CPLX2: variants seen among roughly 807,000 people sequenced by gnomAD.
CPLX2 encodes complexin 2.
A neutral mutation model predicts 16.3 loss-of-function variants in CPLX2; 5 were observed. The observed-to-expected ratio is 0.31, with a 90% confidence interval of 0.16 to 0.64. The LOEUF is 0.64. CPLX2 is among the 30% of genes least tolerant of loss of function. The pLI is 0.79. For missense variants in CPLX2, 144 were observed against 181.4 expected (o/e 0.79, Z 1.18); for synonymous variants, 89 against 73.2 (o/e 1.22, Z -1.10).
intron 2 of CPLX2, chr5:175,837,832 A>G (rs935063332): frequency 1.3e-5 from 2 of 152,160 alleles, no homozygotes; most frequent in Admixed American, 6.5e-5. Flanking sequence ...CAGCCTCCCC[A>G]GTGTTACCAA....
chr5:175,860,924 G>GAT (rs1759361811), intron 2 of CPLX2, among the ~76,000 whole-genome samples: 1 of 150,894 alleles, frequency 6.6e-6, no homozygotes, highest in Non-Finnish European at 1.5e-5. Flanking sequence ...ACATCCCAAT[G>GAT]ACATAATGCC....
intron 2 of CPLX2, among the ~76,000 whole-genome samples, chr5:175,812,347 G>A (rs1043436199): frequency 2.6e-5 from 4 of 152,268 alleles, no homozygotes; most frequent in Admixed American, 1.3e-4. Context: ...CTGCTCACAC[G>A]CTTACTGCAC....
Position 175,849,476 on chromosome 5 carries a change from G to C in CPLX2, c.-88-29176G>C, listed in dbSNP as rs1759111006. ...CATGCAGCCGAACCCCACACTGGAT[G>C]TTAGAGGCACAAAGACTTGACCTTG... On this transcript the variant is annotated intron_variant, in intron 2 of 4. Transcript: ENST00000359546. This position sits in a 1 kb window ranked among gnomAD's most constrained non-coding sequence, Gnocchi z 4.4. 6.6e-6 allele frequency among the ~76,000 whole-genome samples: 1 copy of C among 152,228 alleles called. No individual in the cohort carries two copies. Among genetic ancestry groups the C allele is most frequent in the Admixed American group, 6.5e-5 (1 of 15,284 alleles).
At chr5:175,825,211 A>C (rs1758588973) in intron 2 of CPLX2, among the ~76,000 whole-genome samples, 1 of 152,084 alleles carries the variant, frequency 6.6e-6, no homozygotes. Context: ...CCTGGCCAAC[A>C]TGGTAAACCC....
rs77457115 is a variant in CPLX2 at position 175,849,657 on chromosome 5, G to A, written c.-88-28995G>A. 2.7e-3 allele frequency among the ~76,000 whole-genome samples: 410 copies of A among 152,172 alleles called. 9 individuals carry two copies. In the East Asian group the frequency reaches 0.057, roughly 21 times the overall value. On this transcript the variant is annotated intron_variant, in intron 2 of 4. Transcript: ENST00000359546. This position sits in a 1 kb window ranked among gnomAD's most constrained non-coding sequence, Gnocchi z 4.4. Reference sequence around the variant, plus strand: ...CCTGGAGAGAAGCCCTCTGCCGCAGGTCCTCGTTGGGGTCATCATGGGAGA... The same window carrying A: ...CCTGGAGAGAAGCCCTCTGCCGCAGATCCTCGTTGGGGTCATCATGGGAGA...
chr5:175,866,074 G>T (rs1350130198), intron 2 of CPLX2, among the ~76,000 whole-genome samples: 1 of 152,194 alleles, frequency 6.6e-6, no homozygotes, highest in Non-Finnish European at 1.5e-5. Context: ...AGCATGCATG[G>T]GTTTCACTGG....
chr5:175,825,016 C>T (rs549338962), intron 2 of CPLX2, among the ~76,000 whole-genome samples: 21 of 152,230 alleles, frequency 1.4e-4, no homozygotes, highest in African/African-American at 4.8e-4. Flanking sequence ...ACTGGGATAG[C>T]ATCTGATGGC....
Position 175,865,083 on chromosome 5 carries a change from C to CGT in CPLX2, c.-88-13568_-88-13567insTG, listed in dbSNP as rs1220091859. 5.0e-3 allele frequency among the ~76,000 whole-genome samples: 110 copies of CGT among 22,218 alleles called. 1 individual carries two copies. The highest frequency in any genetic ancestry group is 0.012 in the African/African-American group (98 of 7,896). 14.6% of individuals were successfully genotyped at this position (22,218 alleles called of 152,430 possible). ...CCACATACTCACATGCACGCATGTG[C>CGT]GCGCGCGCACACACACACACACACT... On this transcript the variant is annotated intron_variant, in intron 2 of 4. Coordinates refer to the CPLX2 transcript ENST00000359546.
At chr5:175,879,801 C>T in intron 3 of CPLX2, 47 bp from the exon 4 acceptor site, 1 of 1,558,412 alleles carries the variant, frequency 6.4e-7, no homozygotes, top group Non-Finnish European at 8.7e-7. Context: ...CCTGCTGTCT[C>T]CTTGCCCACC....
upstream of CPLX2, chr5:175,871,458 A>AGAGGGAGAGAGAGAGAGAGG (rs1554122147): frequency 7.5e-5 from 6 of 79,900 alleles, no homozygotes; most frequent in Admixed American, 1.7e-4. Flanking sequence ...AGAGAGAGAG[A>AGAGGGAGAGAGAGAGAGAGG]GAGAGAGAGA....
intron 2 of CPLX2, among the ~76,000 whole-genome samples, chr5:175,860,701 T>G (rs1471105433): frequency 6.6e-6 from 1 of 151,928 alleles, no homozygotes; most frequent in African/African-American, 2.4e-5. Context: ...TGGCTTAGCT[T>G]GTGTCACTTG....
chr5:175,819,944 A>G (rs1014731488), intron 2 of CPLX2, among the ~76,000 whole-genome samples: 3 of 151,520 alleles, frequency 2.0e-5, no homozygotes, highest in Non-Finnish European at 4.4e-5. Flanking sequence ...CATCTATCTC[A>G]CTCCTTATTT....
chr5:175,822,428 C>T (rs1320856901), intron 2 of CPLX2, among the ~76,000 whole-genome samples: 1 of 152,186 alleles, frequency 6.6e-6, no homozygotes, highest in African/African-American at 2.4e-5. Flanking sequence ...CCTCCTAGGG[C>T]TATTGTACAA....
chr5:175,825,741 A>G (rs1758600395), intron 2 of CPLX2, among the ~76,000 whole-genome samples: 1 of 151,904 alleles, frequency 6.6e-6, no homozygotes, highest in South Asian at 2.1e-4. Flanking sequence ...AGATAGCTTG[A>G]CCATTCCCAT....
intron 2 of CPLX2, among the ~76,000 whole-genome samples, chr5:175,824,152 T>C (rs1242396636): frequency 2.0e-5 from 3 of 152,194 alleles, no homozygotes; most frequent in Non-Finnish European, 2.9e-5. Flanking sequence ...CTTTTTTTCT[T>C]TCCCTCTTGA....
At chr5:175,875,357 G>T (rs1232175921) in intron 1 of CPLX2, among the ~76,000 whole-genome samples, 1 of 152,140 alleles carries the variant, frequency 6.6e-6, no homozygotes, top group Non-Finnish European at 1.5e-5. Context: ...ATTGGCTTCA[G>T]CCAGGAGAGG....
intron 2 of CPLX2, among the ~76,000 whole-genome samples, chr5:175,816,795 A>G (rs1021139720): frequency 1.3e-5 from 2 of 152,220 alleles, no homozygotes; most frequent in African/African-American, 4.8e-5. Flanking sequence ...TTAACTCAAC[A>G]CATCCTAAAA....
intron 2 of CPLX2, among the ~76,000 whole-genome samples, chr5:175,855,030 A>G (rs1759227671): frequency 4.6e-5 from 7 of 152,250 alleles, no homozygotes; most frequent in Admixed American, 4.6e-4. Flanking sequence ...AAGAAAAATT[A>G]TATTAGGCCA....
chr5:175,874,524 G>GTGAA (rs1380587302), intron 1 of CPLX2, among the ~76,000 whole-genome samples: 1 of 152,166 alleles, frequency 6.6e-6, no homozygotes, highest in Non-Finnish European at 1.5e-5. Flanking sequence ...GAGCAACTGA[G>GTGAA]TGAATGAATG....
Sources: gnomAD v4.1 joint callset for allele counts (sites outside exome capture counted in the v4.1 genomes callset) on GRCh38, gnomAD v4.1.1 for gene constraint, Gnocchi (gnomAD v3.1) non-coding constraint, MANE v1.5 for transcripts, NCBI Gene and HGNC (gene_info 2026-07-23, HGNC 2026-07-21) for gene names.